Variants in PTBP2 observed in about 807,000 individuals in gnomAD.
The protein encoded by PTBP2 is polypyrimidine tract binding protein 2.
Under a neutral mutation model 61.4 loss-of-function variants are expected in PTBP2, and 13 were observed. That is an observed-to-expected ratio of 0.21 (90% CI 0.14 to 0.34). PTBP2 has a LOEUF of 0.34. PTBP2 is among the 10% of genes least tolerant of loss of function. PTBP2 has a pLI of 1.00. For missense variants in PTBP2, 405 were observed against 642.6 expected (o/e 0.63, Z 4.00); for synonymous variants, 215 against 218.5 (o/e 0.98, Z 0.14).
At chr1:96,742,024 A>G (rs1057304186) in intron 2 of PTBP2, among the ~76,000 whole-genome samples, 9 of 152,160 alleles carry the variant, frequency 5.9e-5, no homozygotes, top group African/African-American at 2.2e-4. Flanking sequence ...TTGTTTTTCA[A>G]AATTGTCTTG....
chr1:96,732,779 G>A (rs532568895), intron 2 of PTBP2, among the ~76,000 whole-genome samples: 185 of 152,220 alleles, frequency 1.2e-3, no homozygotes, highest in Non-Finnish European at 2.3e-3. Context: ...AGAGAAGGAC[G>A]TAACCAAAGT....
At chr1:96,763,679 T>C (rs1321322874) in intron 3 of PTBP2, among the ~76,000 whole-genome samples, 1 of 151,642 alleles carries the variant, frequency 6.6e-6, no homozygotes, top group Non-Finnish European at 1.5e-5. Flanking sequence ...TATAATGTAC[T>C]TCATGACCAA....
At chr1:96,724,245 ATTTTTTT>A (rs1254087851) in intron 2 of PTBP2, among the ~76,000 whole-genome samples, 1 of 136,960 alleles carries the variant, frequency 7.3e-6, no homozygotes, top group African/African-American at 2.5e-5. Context: ...ATGTATTGTA[ATTTTTTT>A]TTGTTTTTTG....
chr1:96,769,748 A>T lies in PTBP2; in HGVS notation c.161A>T (p.Asp54Val), dbSNP rs1343181039. The T allele has an allele frequency of 1.1e-5, 18 of 1,607,392 alleles. No individual in the cohort carries two copies. The highest frequency in any genetic ancestry group is 1.7e-5 in the Admixed American group (1 of 59,016). Reference protein sequence around the residue: ...SKKFKGEDKMDGAPSRVLHIR... With the variant: ...SKKFKGEDKMVGAPSRVLHIR... ...AAATTTAAAGGAGAAGATAAAATGGATGGTGCTCCTTCTCGTGTACTTCAT... is the reference window on the plus strand; with the variant it reads ...AAATTTAAAGGAGAAGATAAAATGGTTGGTGCTCCTTCTCGTGTACTTCAT... The change falls in exon 4 of 14, where the codon GAT (aspartate) becomes GTT (valine). Residue 54 changes from aspartate to valine, a missense_variant. This residue lies in a region of PTBP2 where 342 missense variants were observed against 491.2 expected (regional missense o/e 0.70). Coordinates refer to ENST00000674951, the MANE Select transcript of PTBP2 (RefSeq NM_021190.4).
intron 2 of PTBP2, chr1:96,749,524 C>A: frequency 2.8e-6 from 1 of 354,468 alleles, no homozygotes; most frequent in Non-Finnish European, 5.9e-6. Context: ...TTGTTTCTTA[C>A]TTTTAGAATA....
intron 5 of PTBP2, among the ~76,000 whole-genome samples, chr1:96,771,895 T>TG (rs1232276720): frequency 6.6e-6 from 1 of 152,192 alleles, no homozygotes; most frequent in Non-Finnish European, 1.5e-5. Context: ...TTAGCTATTT[T>TG]GGAAGTATAC....
intron 8 of PTBP2, among the ~76,000 whole-genome samples, chr1:96,795,239 G>C (rs1660253199): frequency 1.3e-5 from 2 of 152,124 alleles, no homozygotes; most frequent in Admixed American, 6.5e-5. Context: ...ATAACAGGTG[G>C]GAGACTATTA....
At chr1:96,734,564 C>T (rs1315072201) in intron 2 of PTBP2, among the ~76,000 whole-genome samples, 4 of 151,226 alleles carry the variant, frequency 2.6e-5, no homozygotes, top group Admixed American at 1.3e-4. Flanking sequence ...ACAAGCTCTC[C>T]GTTCCTGTTT....
downstream of PTBP2, chr1:96,817,748 G>T (rs1662538621): frequency 6.6e-6 from 1 of 151,974 alleles, no homozygotes; most frequent in Non-Finnish European, 1.5e-5. Flanking sequence ...GTTACCTTCA[G>T]TTTAGTATTT....
intron 2 of PTBP2, among the ~76,000 whole-genome samples, chr1:96,726,695 C>A (rs1010916174): frequency 6.6e-6 from 1 of 152,082 alleles, no homozygotes; most frequent in African/African-American, 2.4e-5. Flanking sequence ...CCTCGGCCTC[C>A]CAAAGTGCTG....
At chr1:96,798,192 G>T (rs915852767) in intron 8 of PTBP2, among the ~76,000 whole-genome samples, 7 of 151,974 alleles carry the variant, frequency 4.6e-5, no homozygotes, top group African/African-American at 1.7e-4. Flanking sequence ...TATCACTTGA[G>T]ATCATGAGTT....
At chr1:96,731,277 T>G (rs1651373805) in intron 2 of PTBP2, among the ~76,000 whole-genome samples, 1 of 152,226 alleles carries the variant, frequency 6.6e-6, no homozygotes. Context: ...AACACTCATT[T>G]GTTTTTCACA....
intron 2 of PTBP2, among the ~76,000 whole-genome samples, chr1:96,723,827 A>G (rs1387106382): frequency 6.6e-6 from 1 of 152,240 alleles, no homozygotes; most frequent in Non-Finnish European, 1.5e-5. Flanking sequence ...TGATCAAGAA[A>G]TTGAAAATGC....
downstream of PTBP2, chr1:96,818,348 TTCC>T (rs1355934466): frequency 3.3e-5 from 5 of 152,126 alleles, no homozygotes; most frequent in African/African-American, 1.2e-4. Flanking sequence ...AACTTAGATC[TTCC>T]TCGTTTCCTC....
intron 7 of PTBP2, among the ~76,000 whole-genome samples, chr1:96,781,070 C>G (rs1037303740): frequency 1.3e-5 from 2 of 151,972 alleles, no homozygotes; most frequent in Admixed American, 6.6e-5. Context: ...AAACTGAAAT[C>G]AGCATACTTC....
chr1:96,773,554 T>C (rs1211890410), intron 5 of PTBP2, among the ~76,000 whole-genome samples: 5 of 152,170 alleles, frequency 3.3e-5, no homozygotes, highest in Non-Finnish European at 7.4e-5. Context: ...AATGGACAAT[T>C]AGATTTTGTT....
intron 3 of PTBP2, among the ~76,000 whole-genome samples, chr1:96,755,585 C>G (rs184094278): frequency 2.6e-5 from 4 of 152,204 alleles, no homozygotes; most frequent in African/African-American, 9.6e-5. Flanking sequence ...CATTCATCAA[C>G]AGATGAACTA....
chr1:96,739,899 C>T (rs1324130102), intron 2 of PTBP2, among the ~76,000 whole-genome samples: 2 of 152,020 alleles, frequency 1.3e-5, no homozygotes, highest in African/African-American at 4.8e-5. Context: ...GCTGGGATTA[C>T]AGGCCTGAGC....
intron 2 of PTBP2, among the ~76,000 whole-genome samples, chr1:96,727,365 A>G (rs1269762158): frequency 6.6e-6 from 1 of 152,058 alleles, no homozygotes; most frequent in Non-Finnish European, 1.5e-5. Flanking sequence ...ACATTACTGT[A>G]CAAGTCTTTG....
Sources: allele counts gnomAD v4.1 joint callset (sites outside exome capture counted in the v4.1 genomes callset), GRCh38; gene constraint gnomAD v4.1.1; regional missense constraint gnomAD v4.1.1; transcripts MANE v1.5; gene names NCBI Gene and HGNC (gene_info 2026-07-23, HGNC 2026-07-21).